Variants in RAD51B observed in about 807,000 individuals in gnomAD.
The protein encoded by RAD51B is DNA repair protein RAD51 homolog 2.
Under a neutral mutation model 42.2 loss-of-function variants are expected in RAD51B, and 38 were observed. The ratio of observed to expected loss-of-function variants is 0.90; its 90% confidence interval spans 0.70 to 1.18. The LOEUF is 1.18. Among genes scored for constraint, RAD51B ranks in the 50% most tolerant of loss-of-function variants. The pLI is 0.00. For synonymous variants in RAD51B, 154 were observed against 145.2 expected (o/e 1.06, Z -0.43); for missense variants, 373 against 400.7 (o/e 0.93, Z 0.59).
chr14:68,349,405 C>T (rs769096776), intron 8 of RAD51B, among the ~76,000 whole-genome samples: 1 of 152,044 alleles, frequency 6.6e-6, no homozygotes, highest in Non-Finnish European at 1.5e-5. Context: ...CTTACTCTGT[C>T]ACCCAGGCTG....
chr14:68,650,661 A>G (rs1566964178), intron 10 of RAD51B: 1 of 624,064 alleles, frequency 1.6e-6, no homozygotes, highest in Non-Finnish European at 2.9e-6. Flanking sequence ...CATCTAATTC[A>G]AAACAACTAG....
Position 67,879,954 on chromosome 14 carries a change from C to T in RAD51B, c.453-5915C>T, listed in dbSNP as rs111616256. 5.4e-4 allele frequency among the ~76,000 whole-genome samples: 82 copies of T among 152,174 alleles called. 1 individual carries two copies. Among genetic ancestry groups the T allele is most frequent in the Non-Finnish European group, 9.7e-4 (66 of 68,020 alleles). ...AAACCATATTATTGCATTTTTTCTA[C>T]AGTTACATTAAAATCTATTCATCTG... On this transcript the variant is annotated intron_variant, in intron 5 of 10. Coordinates refer to ENST00000471583, the MANE Select transcript of RAD51B (RefSeq NM_133510.4).
chr14:68,557,089 T>C (rs1375444385), intron 10 of RAD51B, among the ~76,000 whole-genome samples: 1 of 152,216 alleles, frequency 6.6e-6, no homozygotes, highest in Non-Finnish European at 1.5e-5. Context: ...GGCTCCTTTC[T>C]ACACTTTCAG....
At chr14:68,399,541 G>A (rs76348667) in intron 8 of RAD51B, among the ~76,000 whole-genome samples, 10,416 of 152,258 alleles carry the variant, frequency 0.068, 451 homozygotes, top group Non-Finnish European at 0.091. Context: ...ACAGGCGTGA[G>A]CCACCAAGCC....
intron 7 of RAD51B, among the ~76,000 whole-genome samples, chr14:68,072,268 A>G: frequency 6.8e-6 from 1 of 147,814 alleles, no homozygotes. Context: ...CTGTATATAT[A>G]GGAGTTTATT....
chr14:67,963,015 G>C (rs1400602805), intron 7 of RAD51B, among the ~76,000 whole-genome samples: 1 of 152,070 alleles, frequency 6.6e-6, no homozygotes, highest in African/African-American at 2.4e-5. Context: ...CTTAAAGTTA[G>C]AGGGACTTTT....
chr14:68,663,838 C>T (rs867336831), intron 11 of RAD51B, among the ~76,000 whole-genome samples: 12 of 152,316 alleles, frequency 7.9e-5, no homozygotes, highest in South Asian at 2.1e-4. Context: ...TGAGCCTCTG[C>T]TTTCTCTTCT....
chr14:68,180,383 T>G (rs959325826), intron 7 of RAD51B, among the ~76,000 whole-genome samples: 2 of 152,164 alleles, frequency 1.3e-5, no homozygotes, highest in Non-Finnish European at 2.9e-5. Context: ...CTCTGCCCAC[T>G]GTTAGATGAG....
At chr14:68,360,344 A>G (rs989667951) in intron 8 of RAD51B, among the ~76,000 whole-genome samples, 4 of 152,214 alleles carry the variant, frequency 2.6e-5, no homozygotes, top group Admixed American at 2.0e-4. Context: ...AGGCTACCCT[A>G]AGTGCACTGA....
chr14:68,302,291 A>C (rs1007424120), intron 8 of RAD51B, among the ~76,000 whole-genome samples: 2 of 152,234 alleles, frequency 1.3e-5, no homozygotes, highest in African/African-American at 4.8e-5. Flanking sequence ...TATGACGGAC[A>C]AGTAAGCAGG....
At chr14:68,480,020 A>T (rs1594895659), downstream of RAD51B, among the ~76,000 whole-genome samples, 1 of 152,170 alleles carries the variant, frequency 6.6e-6, no homozygotes, top group East Asian at 1.9e-4. Context: ...CATGTCACAT[A>T]AAACTTACGT....
At chr14:67,990,187 G>A (rs536996152) in intron 7 of RAD51B, among the ~76,000 whole-genome samples, 1 of 151,800 alleles carries the variant, frequency 6.6e-6, no homozygotes, top group South Asian at 2.1e-4. Context: ...TAGTAGAGAT[G>A]GGGTTTCACC....
chr14:68,182,419 ATG>A (rs1243500507), intron 7 of RAD51B, among the ~76,000 whole-genome samples: 2 of 152,230 alleles, frequency 1.3e-5, no homozygotes, highest in Non-Finnish European at 2.9e-5. Context: ...AACAGAGAAT[ATG>A]TGAGTTCTGT....
chr14:68,199,229 C>G (rs1307109400), intron 7 of RAD51B, among the ~76,000 whole-genome samples: 1 of 152,326 alleles, frequency 6.6e-6, no homozygotes, highest in East Asian at 1.9e-4. Flanking sequence ...CAGACCAGTG[C>G]AGAGCACAGA....
At chr14:68,226,576 T>G (rs2080043492) in intron 7 of RAD51B, among the ~76,000 whole-genome samples, 1 of 152,208 alleles carries the variant, frequency 6.6e-6, no homozygotes. Context: ...CTACATAAGC[T>G]CTCTTGCCTG....
At chr14:68,203,114 C>A (rs1348336207) in intron 7 of RAD51B, among the ~76,000 whole-genome samples, 1 of 152,102 alleles carries the variant, frequency 6.6e-6, no homozygotes, top group Admixed American at 6.5e-5. Context: ...TTAATGGCAC[C>A]TAGAATTGTG....
chr14:68,415,742 G>A (rs2084540921), intron 9 of RAD51B, among the ~76,000 whole-genome samples: 1 of 152,082 alleles, frequency 6.6e-6, no homozygotes, highest in Admixed American at 6.5e-5. Flanking sequence ...GAGTAAGGCT[G>A]GTTATACTTG....
At chr14:67,928,938 G>T (rs7149460) in intron 7 of RAD51B, among the ~76,000 whole-genome samples, 9,113 of 151,912 alleles carry the variant, frequency 0.06, 646 homozygotes, top group African/African-American at 0.17. Flanking sequence ...TGTACTTCTG[G>T]TGTCAGCTGC....
intron 7 of RAD51B, among the ~76,000 whole-genome samples, chr14:68,116,847 A>T (rs1029063772): frequency 2.6e-5 from 4 of 151,502 alleles, no homozygotes; most frequent in Non-Finnish European, 5.9e-5. Context: ...TCCTTGGGGA[A>T]ATCTCAAATG....
Sources: allele counts gnomAD v4.1 joint callset (sites outside exome capture counted in the v4.1 genomes callset), GRCh38; gene constraint gnomAD v4.1.1; transcripts MANE v1.5; gene names NCBI Gene and HGNC (gene_info 2026-07-23, HGNC 2026-07-21).